Variants in L3MBTL4 observed in about 807,000 individuals in gnomAD.
L3MBTL4 encodes L3MBTL histone methyl-lysine binding protein 4.
L3MBTL4 carries 70 observed loss-of-function variants against 84.5 expected under a neutral mutation model. The ratio of observed to expected loss-of-function variants is 0.83; its 90% CI spans 0.68 to 1.01. L3MBTL4 has a LOEUF of 1.01. L3MBTL4 is among the 50% of genes least tolerant of loss of function. L3MBTL4 has a pLI of 0.00. For missense variants in L3MBTL4, 715 were observed against 754.8 expected, an observed-to-expected ratio of 0.95 and a Z score of 0.62; for synonymous variants, 274 against 259.8, an observed-to-expected ratio of 1.05 and a Z score of -0.52.
intron 1 of L3MBTL4, among the ~76,000 whole-genome samples, chr18:6,364,360 A>T (rs927441713): frequency 5.9e-5 from 9 of 152,042 alleles, no homozygotes; most frequent in African/African-American, 2.2e-4. Flanking sequence ...ATAATGCCAT[A>T]AATATTGATA....
At chr18:6,290,873 AGTTCTAG>A (rs2049833911) in intron 4 of L3MBTL4, among the ~76,000 whole-genome samples, 1 of 152,128 alleles carries the variant, frequency 6.6e-6, no homozygotes. Flanking sequence ...CTAGATCCTA[AGTTCTAG>A]GTTCATCCCA....
intron 12 of L3MBTL4, among the ~76,000 whole-genome samples, chr18:6,183,629 A>T (rs2044585902): frequency 6.6e-6 from 1 of 152,230 alleles, no homozygotes; most frequent in Admixed American, 6.5e-5. Flanking sequence ...AATAAAGAAG[A>T]CATAGGATTT....
chr18:6,059,160 T>C (rs1388147490), intron 16 of L3MBTL4, among the ~76,000 whole-genome samples: 1 of 152,064 alleles, frequency 6.6e-6, no homozygotes, highest in Non-Finnish European at 1.5e-5. Flanking sequence ...CCAGAGACAG[T>C]GTCAGTATGG....
In L3MBTL4 at chr18:6,279,972, G is replaced by A. The variant is rs183620292; in HGVS notation, c.128-15934C>T. On this transcript the variant is annotated intron_variant, in intron 4 of 18. Coordinates refer to ENST00000317931, the MANE Select transcript of L3MBTL4 (RefSeq NM_001330559.2). Reference sequence around the variant, plus strand: ...CTCTATTCAAGACATCCCCTGGTGGGCTTCAATTAATGGACACACTTAAAA... The same window carrying A: ...CTCTATTCAAGACATCCCCTGGTGGACTTCAATTAATGGACACACTTAAAA... 2.2e-3 allele frequency among the ~76,000 whole-genome samples: 336 copies of A among 152,202 alleles called. 3 individuals carry two copies. The highest frequency in any genetic ancestry group is 7.2e-3 in the African/African-American group (298 of 41,532).
intron 16 of L3MBTL4, among the ~76,000 whole-genome samples, chr18:5,976,446 G>C (rs2052936625): frequency 6.6e-6 from 1 of 152,168 alleles, no homozygotes; most frequent in Non-Finnish European, 1.5e-5. Context: ...CCTCTCTCCA[G>C]ACCCACCCTG....
At chr18:6,263,471 T>C (rs2048497475) in intron 5 of L3MBTL4, among the ~76,000 whole-genome samples, 1 of 152,180 alleles carries the variant, frequency 6.6e-6, no homozygotes, top group African/African-American at 2.4e-5. Flanking sequence ...TTTCTAGTCA[T>C]GTATGCCAGG....
At chr18:6,306,623 C>T (rs2050597582) in intron 3 of L3MBTL4, among the ~76,000 whole-genome samples, 1 of 152,162 alleles carries the variant, frequency 6.6e-6, no homozygotes, top group Non-Finnish European at 1.5e-5. Context: ...CAACCATGGC[C>T]TTTGATGTCA....
At chr18:6,120,586 G>A (rs1034802962) in intron 14 of L3MBTL4, among the ~76,000 whole-genome samples, 57 of 152,160 alleles carry the variant, frequency 3.7e-4, no homozygotes, top group African/African-American at 1.1e-3. Flanking sequence ...CACTAAGTCA[G>A]AAAACAGAAC....
chr18:6,217,426 T>C (rs1477995072), intron 10 of L3MBTL4, among the ~76,000 whole-genome samples: 1 of 152,212 alleles, frequency 6.6e-6, no homozygotes, highest in Non-Finnish European at 1.5e-5. Flanking sequence ...GCATTCCGAA[T>C]GTGAGGGTCA....
intron 16 of L3MBTL4, chr18:6,030,062 G>A (rs375889325): frequency 1.1e-4 from 106 of 985,262 alleles, no homozygotes; most frequent in Non-Finnish European, 1.2e-4. Flanking sequence ...AGAACTGCTC[G>A]TCAGATTTTA....
intron 3 of L3MBTL4, among the ~76,000 whole-genome samples, chr18:6,310,508 TTCA>T (rs1394117126): frequency 6.6e-6 from 1 of 152,138 alleles, no homozygotes; most frequent in Non-Finnish European, 1.5e-5. Context: ...ATGTCTGGAG[TTCA>T]TCAAACCACA....
At chr18:6,136,127 G>A (rs9965082) in intron 14 of L3MBTL4, among the ~76,000 whole-genome samples, 1,610 of 152,282 alleles carry the variant, frequency 0.011, 29 homozygotes, top group African/African-American at 0.036. Context: ...AGAATAGCAC[G>A]GGAAATACTG....
In L3MBTL4 at chr18:6,392,241, G is replaced by T. The variant is rs150123463; in HGVS notation, c.-91+22560C>A. Among the ~76,000 whole-genome samples the T allele has an allele frequency of 2.7e-3, 405 of 152,236 alleles. 3 individuals are homozygous for T. Among genetic ancestry groups the T allele is most frequent in the African/African-American group, 9.3e-3 (387 of 41,552 alleles). ...ATACAGCAACATAAATTGGAGAAAG[G>T]ACACCCTATTAATAAATGGTGCTGG... On this transcript the variant is annotated intron_variant, in intron 1 of 18. Coordinates refer to ENST00000317931, the MANE Select transcript of L3MBTL4 (RefSeq NM_001330559.2).
chr18:6,369,834 C>G (rs531087686), intron 1 of L3MBTL4, among the ~76,000 whole-genome samples: 5 of 152,090 alleles, frequency 3.3e-5, no homozygotes, highest in Admixed American at 6.5e-5. Context: ...TAGTAAAATG[C>G]CTTATAAAGA....
At chr18:6,371,313 A>G (rs1314355010) in intron 1 of L3MBTL4, among the ~76,000 whole-genome samples, 1 of 152,218 alleles carries the variant, frequency 6.6e-6, no homozygotes, top group Non-Finnish European at 1.5e-5. Context: ...AGAACTTGGC[A>G]GAACACACAG....
intron 16 of L3MBTL4, among the ~76,000 whole-genome samples, chr18:5,990,773 GTGT>G (rs2053658758): frequency 2.4e-5 from 2 of 82,986 alleles, no homozygotes; most frequent in East Asian, 7.9e-4. Flanking sequence ...TCATGTGGGT[GTGT>G]GTGTGTGTGT....
Position 6,032,412 on chromosome 18 carries a change from ACACAATCTGC to A in L3MBTL4, c.1444+48459_1444+48468del, listed in dbSNP as rs1296220130. Reference sequence around the variant, plus strand: ...CACACACACACACACACACACACACACACAATCTGCATCAAAATAATACAGGTCGAGGGGG... The same window carrying A: ...CACACACACACACACACACACACACAATCAAAATAATACAGGTCGAGGGGG... On this transcript the variant is annotated intron_variant, in intron 16 of 18. Coordinates refer to ENST00000317931, the MANE Select transcript of L3MBTL4 (RefSeq NM_001330559.2). 5.2e-5 allele frequency: 34 copies of A among 650,366 alleles called. No individual in the cohort carries two copies. In the African/African-American group the frequency reaches 6.1e-4, roughly 12 times the overall value. 40.3% of individuals were successfully genotyped at this position (650,366 alleles called of 1,614,324 possible). A position where few individuals can be genotyped will look rare whatever the true frequency, so the allele number is the denominator to read the frequency against.
intron 16 of L3MBTL4, among the ~76,000 whole-genome samples, chr18:6,039,856 A>G (rs545792492): frequency 2.6e-5 from 4 of 152,260 alleles, no homozygotes; most frequent in Non-Finnish European, 5.9e-5. Context: ...ATTGAAATAA[A>G]TAAGTAAAAG....
chr18:6,293,795 A>T (rs1393361344), intron 4 of L3MBTL4, among the ~76,000 whole-genome samples: 1 of 152,218 alleles, frequency 6.6e-6, no homozygotes, highest in Non-Finnish European at 1.5e-5. Flanking sequence ...AGGCAGTATC[A>T]GACAAATCCA....
Sources: allele counts gnomAD v4.1 joint callset (sites outside exome capture counted in the v4.1 genomes callset), GRCh38; gene constraint gnomAD v4.1.1; transcripts MANE v1.5; gene names NCBI Gene and HGNC (gene_info 2026-07-23, HGNC 2026-07-21).